Variants in IGFBP7 observed in about 807,000 individuals in gnomAD.
IGFBP7 encodes insulin-like growth factor-binding protein 7.
IGFBP7 carries 31 observed loss-of-function variants against 29.4 expected under a neutral mutation model. That is an observed-to-expected ratio of 1.05 (90% CI 0.79 to 1.42). IGFBP7 has a LOEUF of 1.42. IGFBP7 is among the 40% of genes most tolerant of loss of function. The pLI is 0.00. For missense variants in IGFBP7, 393 were observed against 395.5 expected (o/e 0.99, Z 0.05); for synonymous variants, 172 against 174.9 (o/e 0.98, Z 0.13).
intron 1 of IGFBP7, among the ~76,000 whole-genome samples, chr4:57,085,182 C>A (rs1043171000): frequency 1.3e-5 from 2 of 151,882 alleles, no homozygotes; most frequent in African/African-American, 4.8e-5. Context: ...CTCAGGTATA[C>A]TGTCTGGTCT....
At chr4:57,032,205 A>C in intron 4 of IGFBP7, 2 of 1,213,408 alleles carry the variant, frequency 1.6e-6, no homozygotes, top group Admixed American at 6.9e-5. Context: ...ATGTTAGATA[A>C]GGTAAAAGCA....
intron 1 of IGFBP7, among the ~76,000 whole-genome samples, chr4:57,086,890 C>A (rs1028088403): frequency 3.3e-5 from 5 of 152,110 alleles, no homozygotes; most frequent in African/African-American, 4.8e-5. Context: ...CATACCACCA[C>A]GCTCAGCTAA....
intron 1 of IGFBP7, among the ~76,000 whole-genome samples, chr4:57,088,790 AGG>A (rs1725562181): frequency 3.3e-5 from 5 of 152,012 alleles, no homozygotes; most frequent in Admixed American, 3.3e-4. Context: ...GCATTTTGGG[AGG>A]TCAAGGCAGG....
At chr4:57,068,933 T>C (rs1034261637) in intron 1 of IGFBP7, among the ~76,000 whole-genome samples, 3 of 152,196 alleles carry the variant, frequency 2.0e-5, no homozygotes, top group Non-Finnish European at 2.9e-5. Flanking sequence ...TGGCCACTTT[T>C]GGATGCAGGC....
intron 1 of IGFBP7, among the ~76,000 whole-genome samples, chr4:57,052,536 C>T (rs563409812): frequency 1.2e-4 from 18 of 152,310 alleles, no homozygotes; most frequent in African/African-American, 4.3e-4. Context: ...TTGGCACTCC[C>T]TCTCACTAGT....
intron 1 of IGFBP7, among the ~76,000 whole-genome samples, chr4:57,063,653 G>A (rs987275372): frequency 1.3e-5 from 2 of 152,122 alleles, no homozygotes; most frequent in Admixed American, 6.5e-5. Flanking sequence ...AGAAGGGCAT[G>A]GTTTAGCATT....
intron 1 of IGFBP7, among the ~76,000 whole-genome samples, chr4:57,075,549 C>T (rs1725201635): frequency 6.6e-6 from 1 of 152,064 alleles, no homozygotes; most frequent in Non-Finnish European, 1.5e-5. Flanking sequence ...TCAGATGTCT[C>T]ATTGCCAAGT....
At chr4:57,109,601 C>G (rs887401971) in intron 1 of IGFBP7, among the ~76,000 whole-genome samples, 2 of 152,178 alleles carry the variant, frequency 1.3e-5, no homozygotes, top group African/African-American at 2.4e-5. Flanking sequence ...TCTGAGGTCT[C>G]GGAAAATCTT....
chr4:57,109,434 A>T (rs192642754), intron 1 of IGFBP7, among the ~76,000 whole-genome samples: 1,516 of 150,722 alleles, frequency 0.01, 34 homozygotes, highest in African/African-American at 0.035. Flanking sequence ...CTATCTTTTA[A>T]AAAAAAAAGT....
intron 1 of IGFBP7, among the ~76,000 whole-genome samples, chr4:57,054,994 T>G (rs1312526251): frequency 6.6e-6 from 1 of 152,144 alleles, no homozygotes; most frequent in African/African-American, 2.4e-5. Flanking sequence ...AGCAAATCCT[T>G]CAGGCGAGGC....
At chr4:57,084,157 C>T (rs962675093) in intron 1 of IGFBP7, among the ~76,000 whole-genome samples, 4 of 152,126 alleles carry the variant, frequency 2.6e-5, no homozygotes, top group Non-Finnish European at 4.4e-5. Context: ...ATTTTGTTCG[C>T]ATTTTTGCTT....
Position 57,031,292 on chromosome 4 carries a change from T to C in IGFBP7, c.*25A>G, listed in dbSNP as rs978757975. ...AGTTATCCATGACTACTTTTAACCA[T>C]GCAGACTAATAATATTCTGGAGGTT... On this transcript the variant is annotated 3_prime_UTR_variant, in exon 5 of 5. Coordinates refer to ENST00000295666, the MANE Select transcript of IGFBP7 (RefSeq NM_001553.3). The C allele has an allele frequency of 1.9e-6, 3 of 1,594,090 alleles. No individual in the cohort carries two copies. The highest frequency in any genetic ancestry group is 2.7e-5 in the African/African-American group (2 of 74,470).
chr4:57,042,146 C>G lies in IGFBP7; in HGVS notation c.476-1213G>C, dbSNP rs150887549. 1.1e-4 allele frequency among the ~76,000 whole-genome samples: 17 copies of G among 152,242 alleles called. No individual in the cohort carries two copies. In the East Asian group the frequency reaches 3.3e-3, roughly 30 times the overall value. On this transcript the variant is annotated intron_variant, in intron 1 of 4. Transcript: ENST00000295666. Reference sequence around the variant, plus strand: ...CCCCAATTAGGGAACACACCCCCCACCTTCTGTATCATGGCACCCTCTGGA... The same window carrying G: ...CCCCAATTAGGGAACACACCCCCCAGCTTCTGTATCATGGCACCCTCTGGA...
At chr4:57,048,399 G>C (rs1194922341) in intron 1 of IGFBP7, among the ~76,000 whole-genome samples, 1 of 152,142 alleles carries the variant, frequency 6.6e-6, no homozygotes, top group Non-Finnish European at 1.5e-5. Flanking sequence ...CAGACTACCA[G>C]ATTATTTTAA....
chr4:57,073,596 A>C (rs1415514989), intron 1 of IGFBP7, among the ~76,000 whole-genome samples: 1 of 13,562 alleles, frequency 7.4e-5, no homozygotes, highest in Non-Finnish European at 2.1e-4. Flanking sequence ...CCTGACTCAA[A>C]AAAAAAAAAA....
intron 1 of IGFBP7, among the ~76,000 whole-genome samples, chr4:57,084,788 G>GTT (rs57704332): frequency 0.053 from 5,937 of 112,806 alleles, 427 homozygotes; most frequent in East Asian, 0.12. Context: ...TTTAAAAAAG[G>GTT]TTTTTTTTTT....
intron 1 of IGFBP7, among the ~76,000 whole-genome samples, chr4:57,047,409 T>C (rs900270452): frequency 6.6e-6 from 1 of 152,146 alleles, no homozygotes; most frequent in Non-Finnish European, 1.5e-5. Flanking sequence ...GTCTCGGGTA[T>C]GTATTTATTA....
rs11573026 is a variant in IGFBP7 at position 57,108,748 on chromosome 4, C to T, written c.475+1129G>A. The stretch of plus-strand genomic sequence containing the variant: ...TTTTTTATTAGAGATGGGGTTTCAC[C>T]GTGTTGGTCAGGCTGATCTCGAACT... On this transcript the variant is annotated intron_variant, in intron 1 of 4. Transcript: ENST00000295666. 1.9e-3 allele frequency among the ~76,000 whole-genome samples: 286 copies of T among 152,066 alleles called. 2 individuals are homozygous for T. Among genetic ancestry groups the T allele is most frequent in the African/African-American group, 6.6e-3 (275 of 41,478 alleles).
At chr4:57,048,787 C>T (rs1246227262) in intron 1 of IGFBP7, among the ~76,000 whole-genome samples, 1 of 152,088 alleles carries the variant, frequency 6.6e-6, no homozygotes, top group African/African-American at 2.4e-5. Context: ...CATGATGTTA[C>T]TATTTAAAAA....
Sources: allele counts gnomAD v4.1 joint callset (sites outside exome capture counted in the v4.1 genomes callset), GRCh38; gene constraint gnomAD v4.1.1; transcripts MANE v1.5; gene names NCBI Gene and HGNC (gene_info 2026-07-23, HGNC 2026-07-21).